CTTN: variants seen among roughly 807,000 people sequenced by gnomAD.
The protein encoded by CTTN is src substrate cortactin.
In CTTN, 28 loss-of-function variants were observed where a neutral mutation model predicts 84.0. The observed-to-expected ratio is 0.33, with a 90% CI of 0.25 to 0.46. The LOEUF is 0.46. CTTN is among the 20% of genes least tolerant of loss of function. The pLI, the probability that CTTN is intolerant of heterozygous loss-of-function variation, is 1.00. For missense variants in CTTN, 641 were observed against 723.8 expected (o/e 0.89, Z 1.31); for synonymous variants, 301 against 288.8 (o/e 1.04, Z -0.43).
chr11:70,430,242 C>T (rs115986454), intron 14 of CTTN, among the ~76,000 whole-genome samples: 83 of 152,316 alleles, frequency 5.4e-4, no homozygotes, highest in African/African-American at 2.0e-3. Flanking sequence ...TGGGCAGCTC[C>T]CTGGCCAGTG....
Position 70,433,151 on chromosome 11 carries a change from G to A in CTTN, c.1317G>A (p.Gly439=). The A allele has an allele frequency of 6.2e-7, 1 of 1,613,866 alleles. No homozygotes were observed. Among genetic ancestry groups the A allele is most frequent in the Non-Finnish European group, 8.5e-7 (1 of 1,180,020 alleles). ...TGAGCTACAGAGGCCCTGTGAGTGGGACGGAGCCGGAGCCCGTGTACAGCA... is the reference window on the plus strand; with the variant it reads ...TGAGCTACAGAGGCCCTGTGAGTGGAACGGAGCCGGAGCCCGTGTACAGCA... ...AELSYRGPVS[G]TEPEPVYSME... The change falls in exon 16 of 18, where the codon GGG becomes GGA. Residue 439 remains glycine, a synonymous_variant. Coordinates refer to ENST00000301843, the MANE Select transcript of CTTN (RefSeq NM_005231.4).
At chr11:70,412,093 C>T (rs763579481) in intron 5 of CTTN, among the ~76,000 whole-genome samples, 3 of 152,152 alleles carry the variant, frequency 2.0e-5, no homozygotes, top group Non-Finnish European at 2.9e-5. Context: ...GCCAGGTTAG[C>T]GCTCAGCTCA....
In CTTN at chr11:70,414,576, C is replaced by T; in HGVS notation, c.326C>T (p.Ser109Phe). The change falls in exon 6 of 18, where the codon TCC becomes TTC. Residue 109 changes from serine (S) to phenylalanine (F), a missense_variant. Ser to Phe is a radical substitution (Grantham distance 155). Around this residue, in one of 3 missense-constraint regions of CTTN, gnomAD observed 284 missense variants for 348.4 expected, o/e 0.82. Coordinates refer to ENST00000301843, the MANE Select transcript of CTTN (RefSeq NM_005231.4). ...AVGHEYQSKL[S>F]KHCSQVDSVR... ...GGCCACGAATATCAGTCGAAACTTT[C>T]CAAGCACTGCTCGCAGGTGGACTCG... The T allele has an allele frequency of 6.2e-7, 1 of 1,614,190 alleles. No homozygotes were observed. The highest frequency in any genetic ancestry group is 8.5e-7 in the Non-Finnish European group (1 of 1,180,018).
At chr11:70,399,199 G>C (rs1591425020) in intron 1 of CTTN, among the ~76,000 whole-genome samples, 1 of 151,690 alleles carries the variant, frequency 6.6e-6, no homozygotes, top group East Asian at 2.0e-4. Flanking sequence ...CAGAGGGAAA[G>C]GGATGAGGTC....
chr11:70,421,657 C>T (rs935515571), intron 11 of CTTN, 77 bp downstream of exon 11: 1 of 955,792 alleles, frequency 1.0e-6, no homozygotes, highest in Non-Finnish European at 1.7e-6. Context: ...TCAGGGCTCA[C>T]CGTCAGCACC....
At chr11:70,417,696 A>G (rs1184209712) in intron 8 of CTTN, among the ~76,000 whole-genome samples, 1 of 151,744 alleles carries the variant, frequency 6.6e-6, no homozygotes, top group Non-Finnish European at 1.5e-5. Context: ...GAGTTCTGCC[A>G]TGTTGCCCAG....
chr11:70,406,776 G>A (rs139885285), intron 2 of CTTN, among the ~76,000 whole-genome samples: 1 of 152,310 alleles, frequency 6.6e-6, no homozygotes, highest in African/African-American at 2.4e-5. Flanking sequence ...TTATTAAATT[G>A]TAAGTCTGAA....
intron 14 of CTTN, among the ~76,000 whole-genome samples, chr11:70,429,755 T>C (rs1455188197): frequency 6.6e-6 from 1 of 152,152 alleles, no homozygotes; most frequent in East Asian, 1.9e-4. Flanking sequence ...CACGAGCCTG[T>C]GTCTGGGTGC....
In CTTN at chr11:70,436,275, T is replaced by A; in HGVS notation, c.*1113T>A. Reference sequence around the variant, plus strand: ...TGTCCTGGCATTTGTGGCCACTCACTTTGTAGGAAACTCATCTCCTTCCTG... The same window carrying A: ...TGTCCTGGCATTTGTGGCCACTCACATTGTAGGAAACTCATCTCCTTCCTG... On this transcript the variant is annotated 3_prime_UTR_variant, in exon 18 of 18. Transcript: ENST00000301843. 1 of 1,597,710 alleles carries A rather than the reference T, an allele frequency of 6.3e-7. No homozygotes were observed. The highest frequency in any genetic ancestry group is 1.1e-5 in the South Asian group (1 of 91,008).
At chr11:70,401,710 T>C (rs2057985071) in intron 1 of CTTN, among the ~76,000 whole-genome samples, 1 of 151,904 alleles carries the variant, frequency 6.6e-6, no homozygotes, top group Non-Finnish European at 1.5e-5. Flanking sequence ...GGTGCATTCC[T>C]GTAGTCCTAG....
At chr11:70,430,808 G>A (rs541247389) in intron 14 of CTTN, among the ~76,000 whole-genome samples, 33 of 152,324 alleles carry the variant, frequency 2.2e-4, no homozygotes, top group Admixed American at 4.6e-4. Flanking sequence ...TCGTGTGTGG[G>A]CGAGAATGAG....
intron 9 of CTTN, 112 bp from the exon 10 acceptor site, chr11:70,420,288 G>A: frequency 4.0e-6 from 3 of 743,236 alleles, no homozygotes; most frequent in Middle Eastern, 2.4e-4. Flanking sequence ...ATCCGGAAGG[G>A]AAGAGTAGAT....
At chr11:70,412,193 G>A (rs867639818) in intron 5 of CTTN, among the ~76,000 whole-genome samples, 3 of 152,160 alleles carry the variant, frequency 2.0e-5, no homozygotes, top group Admixed American at 6.5e-5. Flanking sequence ...TTGGAAGGCC[G>A]AGGCAGGATG....
Position 70,422,990 on chromosome 11 carries a change from G to A in CTTN, c.952G>A (p.Asp318Asn), listed in dbSNP as rs1591445086. Residue 318 changes from aspartate to asparagine, a missense_variant, in exon 12 of 18, where the codon GAT becomes AAT. By Grantham distance (23) the Asp-to-Asn change is conservative (BLOSUM62 1). Transcript: ENST00000301843. The stretch of plus-strand genomic sequence containing the variant: ...GTATGGGGTGCAGAAGGATCGGATG[G>A]ATAAGGTAAATATTCCAGCCCCGGA... The part of the protein sequence containing the change: ...GKYGVQKDRM[D>N]KNASTFEDVT... 1 of 1,613,976 alleles carries A rather than the reference G, an allele frequency of 6.2e-7. No individual in the cohort carries two copies. The highest frequency in any genetic ancestry group is 8.5e-7 in the Non-Finnish European group (1 of 1,179,968).
intron 10 of CTTN, 92 bp from the exon 11 acceptor site, chr11:70,421,378 T>G (rs996415245): frequency 2.2e-6 from 2 of 909,356 alleles, no homozygotes; most frequent in Non-Finnish European, 3.7e-6. Context: ...TTCTGGAAAC[T>G]GTGTTTGATT....
intron 1 of CTTN, among the ~76,000 whole-genome samples, chr11:70,403,878 C>T (rs937083759): frequency 3.3e-5 from 5 of 152,022 alleles, no homozygotes; most frequent in African/African-American, 1.2e-4. Context: ...TTATTATTTA[C>T]TTTATGATTG....
rs1456058172 is a variant in CTTN at position 70,435,352 on chromosome 11, C to T, written c.*190C>T. The T allele has an allele frequency of 6.9e-7, 1 of 1,456,444 alleles. No homozygotes were observed. Among genetic ancestry groups the T allele is most frequent in the African/African-American group, 1.5e-5 (1 of 67,894 alleles). The allele number at this position is 1,456,444 out of a possible 1,614,324, so 90.2% of individuals were successfully genotyped here. On this transcript the variant is annotated 3_prime_UTR_variant, in exon 18 of 18. Coordinates refer to ENST00000301843, the MANE Select transcript of CTTN (RefSeq NM_005231.4). ...GCTGATGCTTTTGAAAATGTTTATG[C>T]CACAGAATTTGCTAATATATTGTAA...
At chr11:70,423,427 G>T (rs1388151486) in intron 12 of CTTN, among the ~76,000 whole-genome samples, 1 of 152,234 alleles carries the variant, frequency 6.6e-6, no homozygotes, top group African/African-American at 2.4e-5. Context: ...CCCGTCTTCA[G>T]CCTCGTAGAG....
intron 1 of CTTN, among the ~76,000 whole-genome samples, 159 bp downstream of exon 1, chr11:70,398,773 T>C (rs1363561059): frequency 6.8e-6 from 1 of 146,742 alleles, no homozygotes. Context: ...GGCGAGGCTT[T>C]CCCGGCCTGG....
Sources: gnomAD v4.1 joint callset for allele counts (sites outside exome capture counted in the v4.1 genomes callset) on GRCh38, gnomAD v4.1.1 for gene constraint, gnomAD v4.1.1 regional missense constraint, MANE v1.5 for transcripts, NCBI Gene and HGNC (gene_info 2026-07-23, HGNC 2026-07-21) for gene names.